Variants in RFC3 observed in about 807,000 individuals in gnomAD.
RFC3 encodes A1 38 kDa subunit.
A neutral mutation model predicts 45.1 loss-of-function variants in RFC3; 41 were observed. That is an observed-to-expected ratio of 0.91 (90% CI 0.71 to 1.18). The LOEUF (loss-of-function observed/expected upper bound fraction) is 1.18. Among genes scored for constraint, RFC3 ranks in the 50% most tolerant of loss-of-function variants. The pLI, the probability that RFC3 is intolerant of heterozygous loss-of-function variation, is 0.00. For missense variants in RFC3, 423 were observed against 428.1 expected (o/e 0.99, Z 0.10); for synonymous variants, 149 against 144.0 (o/e 1.03, Z -0.25).
At chr13:33,976,774 AGCATACATAT>A in the RFC3 span, among the ~76,000 whole-genome samples, 1 of 152,180 alleles carries the variant, frequency 6.6e-6, no homozygotes, top group Non-Finnish European at 1.5e-5. Flanking sequence ...CCAAATAATT[AGCATACATAT>A]TCTGCCCTTA....
intron 8 of RFC3, among the ~76,000 whole-genome samples, chr13:33,958,037 C>T (rs2083032779): frequency 6.6e-6 from 1 of 152,120 alleles, no homozygotes; most frequent in Non-Finnish European, 1.5e-5. Context: ...CAAAATTAGA[C>T]TCCAAATTAT....
chr13:33,857,256 A>T (rs1018463652), intron 8 of RFC3, among the ~76,000 whole-genome samples: 4 of 152,198 alleles, frequency 2.6e-5, no homozygotes, highest in African/African-American at 9.7e-5. Flanking sequence ...AATCTCTGAC[A>T]TGCTACATTA....
chr13:33,903,614 C>T (rs928588639), intron 8 of RFC3, among the ~76,000 whole-genome samples: 1 of 152,058 alleles, frequency 6.6e-6, no homozygotes, highest in Non-Finnish European at 1.5e-5. Flanking sequence ...AATATTTTTC[C>T]CTGGATTCAC....
At chr13:33,968,085 G>A (rs558173893), downstream of RFC3, among the ~76,000 whole-genome samples, 15 of 152,058 alleles carry the variant, frequency 9.9e-5, no homozygotes, top group East Asian at 1.9e-4. Context: ...CACTACTTAG[G>A]GTCAACACCT....
intron 8 of RFC3, among the ~76,000 whole-genome samples, chr13:33,893,526 A>G (rs1329664): frequency 0.11 from 17,387 of 152,036 alleles, 2,026 homozygotes; most frequent in African/African-American, 0.3. Flanking sequence ...AATAGACAGA[A>G]TAAGGAACCA....
chr13:33,962,903 A>G (rs1360478405), intron 8 of RFC3, among the ~76,000 whole-genome samples: 1 of 152,194 alleles, frequency 6.6e-6, no homozygotes, highest in East Asian at 1.9e-4. Context: ...TTATAAAATC[A>G]GAGGAATAGA....
At position 33,835,178 on chromosome 13, in the gene RFC3, G is replaced by C. The variant is rs750596331; in HGVS notation, c.840G>C (p.Glu280Asp). The C allele has an allele frequency of 6.2e-7, 1 of 1,610,564 alleles. No individual in the cohort carries two copies. The highest frequency in any genetic ancestry group is 1.7e-5 in the Admixed American group (1 of 59,934). Reference protein sequence around the residue: ...RLLEVRGRLYELLTHCIPPEI... With the variant: ...RLLEVRGRLYDLLTHCIPPEI... Reference sequence around the variant, plus strand: ...TTGAAGTTCGTGGAAGGCTGTATGAGCTTCTAACTCATTGTATTCCTCCTG... The same window carrying C: ...TTGAAGTTCGTGGAAGGCTGTATGACCTTCTAACTCATTGTATTCCTCCTG... The change falls in exon 8 of 9, where the codon GAG becomes GAC. Residue 280 changes from glutamate to aspartate, a missense_variant. Physicochemically the swap from Glu to Asp is conservative, Grantham distance 45. Coordinates refer to ENST00000380071, the MANE Select transcript of RFC3 (RefSeq NM_002915.4).
chr13:33,898,933 A>C (rs546106677), intron 8 of RFC3, among the ~76,000 whole-genome samples: 4 of 151,910 alleles, frequency 2.6e-5, no homozygotes, highest in African/African-American at 7.2e-5. Context: ...GAACACATAC[A>C]ACCTGCCAAG....
downstream of RFC3, among the ~76,000 whole-genome samples, chr13:33,841,666 T>C (rs1486454011): frequency 6.6e-6 from 1 of 152,240 alleles, no homozygotes; most frequent in Non-Finnish European, 1.5e-5. Flanking sequence ...ACAGGGGTTT[T>C]TGACTGCATA....
chr13:33,881,101 A>G (rs1454669223), intron 8 of RFC3, among the ~76,000 whole-genome samples: 3 of 152,154 alleles, frequency 2.0e-5, no homozygotes, highest in African/African-American at 4.8e-5. Flanking sequence ...TCAGAACTCT[A>G]TGGGTTAATA....
At chr13:33,845,520 CATTA>C (rs1037505062) in intron 8 of RFC3, among the ~76,000 whole-genome samples, 2 of 152,102 alleles carry the variant, frequency 1.3e-5, no homozygotes, top group Admixed American at 6.6e-5. Context: ...TCTTCAAGCT[CATTA>C]ATTCTTCTTT....
At chr13:33,963,559 A>G (rs1255623774) in intron 8 of RFC3, among the ~76,000 whole-genome samples, 1 of 151,848 alleles carries the variant, frequency 6.6e-6, no homozygotes, top group African/African-American at 2.4e-5. Flanking sequence ...GAGACTCCAG[A>G]CACACCTTTC....
intron 8 of RFC3, among the ~76,000 whole-genome samples, chr13:33,854,983 A>T (rs1203499852): frequency 2.0e-5 from 3 of 152,188 alleles, no homozygotes; most frequent in Admixed American, 6.6e-5. Context: ...ATCATGACGG[A>T]AACAAAACAT....
intron 8 of RFC3, among the ~76,000 whole-genome samples, chr13:33,873,883 C>T (rs77046743): frequency 0.019 from 2,865 of 152,198 alleles, 91 homozygotes; most frequent in African/African-American, 0.065. Flanking sequence ...AGGCAGTCTT[C>T]CTTTAAGCAT....
chr13:33,823,944 A>G lies in RFC3; in HGVS notation c.253A>G (p.Ser85Gly). The change falls in exon 3 of 9, where the codon AGC becomes GGC. Residue 85 changes from serine (S) to glycine (G), a missense_variant. By Grantham distance (56) the Ser-to-Gly change is moderately conservative. Coordinates refer to ENST00000380071, the MANE Select transcript of RFC3 (RefSeq NM_002915.4). Reference sequence around the variant, plus strand: ...TCCATCTAAAAAAAAAATTGAAATTAGCACCATTGCAAGTAACTACCACCT... The same window carrying G: ...TCCATCTAAAAAAAAAATTGAAATTGGCACCATTGCAAGTAACTACCACCT... ...TTPSKKKIEI[S>G]TIASNYHLEV... The G allele has an allele frequency of 1.9e-6, 3 of 1,567,940 alleles. No individual in the cohort carries two copies. Among genetic ancestry groups the G allele is most frequent in the Non-Finnish European group, 2.6e-6 (3 of 1,144,708 alleles).
intron 8 of RFC3, among the ~76,000 whole-genome samples, chr13:33,958,555 A>T (rs1023710412): frequency 7.9e-5 from 12 of 152,210 alleles, no homozygotes; most frequent in African/African-American, 2.7e-4. Flanking sequence ...TACTTTGGAA[A>T]CGTACTCTAT....
intron 8 of RFC3, among the ~76,000 whole-genome samples, chr13:33,965,704 T>C (rs1185450578): frequency 2.0e-5 from 3 of 152,190 alleles, no homozygotes; most frequent in African/African-American, 7.2e-5. Context: ...GTGTATTGGA[T>C]CACCACCTCT....
In RFC3 at chr13:33,819,481, C is replaced by T. The variant is rs143303177; in HGVS notation, c.87+1216C>T. 2.3e-4 allele frequency among the ~76,000 whole-genome samples: 35 copies of T among 152,084 alleles called. No individual in the cohort carries two copies. In the East Asian group the frequency reaches 6.7e-3, roughly 29 times the overall value. On this transcript the variant is annotated intron_variant, in intron 1 of 8. Transcript: ENST00000380071. ...TTTACAGATACTATTTAATTAAGTGCGTCTTAAAAATAAGAAATAATAAGA... is the reference window on the plus strand; with the variant it reads ...TTTACAGATACTATTTAATTAAGTGTGTCTTAAAAATAAGAAATAATAAGA...
intron 8 of RFC3, among the ~76,000 whole-genome samples, chr13:33,893,811 T>C (rs566019431): frequency 6.6e-6 from 1 of 152,098 alleles, no homozygotes; most frequent in South Asian, 2.1e-4. Flanking sequence ...AAAGACAGAT[T>C]ATTTGAAAAT....
Sources: gnomAD v4.1 joint callset for allele counts (sites outside exome capture counted in the v4.1 genomes callset) on GRCh38, gnomAD v4.1.1 for gene constraint, MANE v1.5 for transcripts, NCBI Gene and HGNC (gene_info 2026-07-23, HGNC 2026-07-21) for gene names.